Variants in ARK2C observed in about 807,000 individuals in gnomAD.
ARK2C encodes the protein E3 ubiquitin-protein ligase ARK2C.
the ARK2C span, among the ~76,000 whole-genome samples, chr18:46,402,020 T>C: frequency 0.039 from 5,960 of 152,324 alleles, 379 homozygotes; most frequent in African/African-American, 0.14. Context: ...GACTGAACTT[T>C]CCCTTGGAGC....
At chr18:46,435,718 C>T in the ARK2C span, among the ~76,000 whole-genome samples, 8 of 152,114 alleles carry the variant, frequency 5.3e-5, no homozygotes, top group African/African-American at 1.7e-4. Flanking sequence ...ACCAGTGGTC[C>T]CTGGGGGGAG....
the ARK2C span, among the ~76,000 whole-genome samples, chr18:46,405,260 TC>T: frequency 6.6e-6 from 1 of 152,092 alleles, no homozygotes; most frequent in Admixed American, 6.5e-5. Flanking sequence ...CTCTGAGGGC[TC>T]CCCAGAAATA....
chr18:46,439,420 G>A, the ARK2C span, among the ~76,000 whole-genome samples: 4,720 of 152,218 alleles, frequency 0.031, 122 homozygotes, highest in South Asian at 0.046. Context: ...CTGCCATCTC[G>A]CTCCTGTAGG....
chr18:46,352,219 G>T, the ARK2C span, among the ~76,000 whole-genome samples: 1 of 152,144 alleles, frequency 6.6e-6, no homozygotes, highest in South Asian at 2.1e-4. Flanking sequence ...TCACCTTGAT[G>T]AACTCCAGCT....
chr18:46,450,979 G>A, the ARK2C span, among the ~76,000 whole-genome samples: 1 of 152,082 alleles, frequency 6.6e-6, no homozygotes, highest in African/African-American at 2.4e-5. Flanking sequence ...TGTGCCAGGT[G>A]TGGCCAGGAG....
At chr18:46,383,714 C>T in the ARK2C span, among the ~76,000 whole-genome samples, 1 of 152,118 alleles carries the variant, frequency 6.6e-6, no homozygotes, top group Non-Finnish European at 1.5e-5. Flanking sequence ...ACCACCGCGC[C>T]CGGCTAATTT....
the ARK2C span, among the ~76,000 whole-genome samples, chr18:46,402,230 C>A: frequency 6.6e-6 from 1 of 152,270 alleles, no homozygotes; most frequent in African/African-American, 2.4e-5. Context: ...TCTATTAATT[C>A]ATTGATTAGG....
the ARK2C span, among the ~76,000 whole-genome samples, chr18:46,402,297 G>A: frequency 6.6e-6 from 1 of 151,780 alleles, no homozygotes; most frequent in African/African-American, 2.4e-5. Context: ...TTAAAAACTT[G>A]TATTTAGTTA....
chr18:46,450,485 G>A, the ARK2C span: 35 of 1,064,188 alleles, frequency 3.3e-5, no homozygotes, highest in Admixed American at 1.8e-5. Flanking sequence ...CTCTGCTGGT[G>A]AGTAGGGTAT....
At chr18:46,429,894 G>T in the ARK2C span, among the ~76,000 whole-genome samples, 1,176 of 152,194 alleles carry the variant, frequency 7.7e-3, 11 homozygotes, top group African/African-American at 0.027. Context: ...TGGGATTATG[G>T]ATGTGAGCCA....
the ARK2C span, among the ~76,000 whole-genome samples, chr18:46,372,351 C>T: frequency 4.6e-5 from 7 of 152,336 alleles, no homozygotes; most frequent in South Asian, 2.1e-4. Context: ...CTTCCTGCCT[C>T]GGTCCCACCA....
At chr18:46,361,442 A>G in the ARK2C span, among the ~76,000 whole-genome samples, 1 of 152,334 alleles carries the variant, frequency 6.6e-6, no homozygotes, top group East Asian at 1.9e-4. Flanking sequence ...TTAACTGAGT[A>G]TGGCAGGCAC....
the ARK2C span, among the ~76,000 whole-genome samples, chr18:46,358,176 G>A: frequency 6.6e-6 from 1 of 152,186 alleles, no homozygotes; most frequent in African/African-American, 2.4e-5. Context: ...GCTAGGATGA[G>A]TCATGCAGGC....
chr18:46,357,384 A>C, the ARK2C span, among the ~76,000 whole-genome samples: 4 of 152,342 alleles, frequency 2.6e-5, no homozygotes, highest in South Asian at 8.3e-4. Flanking sequence ...ACTGAGAGTA[A>C]GCAAATGATC....
chr18:46,387,433 A>G, the ARK2C span, among the ~76,000 whole-genome samples: 1 of 152,210 alleles, frequency 6.6e-6, no homozygotes, highest in Admixed American at 6.5e-5. Context: ...CAAAAACAGC[A>G]TTAGCTCTGA....
chr18:46,432,333 T>C, the ARK2C span, among the ~76,000 whole-genome samples: 2 of 152,390 alleles, frequency 1.3e-5, no homozygotes, highest in East Asian at 3.9e-4. Flanking sequence ...GATAATGTTA[T>C]AACACATTAT....
At chr18:46,409,514 C>T in the ARK2C span, among the ~76,000 whole-genome samples, 1 of 152,200 alleles carries the variant, frequency 6.6e-6, no homozygotes, top group South Asian at 2.1e-4. Flanking sequence ...AGACGTCTGA[C>T]TCTGAGCTGC....
the ARK2C span, among the ~76,000 whole-genome samples, chr18:46,442,672 G>C: frequency 6.6e-6 from 1 of 152,062 alleles, no homozygotes; most frequent in African/African-American, 2.4e-5. Context: ...GATCAAGTTA[G>C]TCGACAGTAT....
the ARK2C span, among the ~76,000 whole-genome samples, chr18:46,439,306 G>C: frequency 6.6e-6 from 1 of 152,224 alleles, no homozygotes; most frequent in East Asian, 1.9e-4. Context: ...GGCCATGTGG[G>C]ATCCAGGCTC....
Sources: allele counts gnomAD v4.1 joint callset (sites outside exome capture counted in the v4.1 genomes callset), GRCh38; gene constraint gnomAD v4.1.1; transcripts MANE v1.5; gene names NCBI Gene and HGNC (gene_info 2026-07-23, HGNC 2026-07-21).